The following GRK3 variants were observed in gnomAD, a reference collection of about 807,000 sequenced individuals.
GRK3 encodes adrenergic, beta, receptor kinase 2.
In GRK3, 54 loss-of-function variants were observed where a neutral mutation model predicts 95.7. The ratio of observed to expected loss-of-function variants is 0.56; its 90% CI spans 0.45 to 0.71. The LOEUF (loss-of-function observed/expected upper bound fraction) is 0.71. Among genes scored for constraint, GRK3 ranks in the 30% least tolerant of loss-of-function variants. The pLI, the probability that GRK3 is intolerant of heterozygous loss-of-function variation, is 0.00. For missense variants in GRK3, 649 were observed against 851.2 expected (o/e 0.76, Z 2.96); for synonymous variants, 281 against 290.8 (o/e 0.97, Z 0.34).
chr22:25,706,032 A>T (rs1601540758), intron 15 of GRK3, among the ~76,000 whole-genome samples: 1 of 152,086 alleles, frequency 6.6e-6, no homozygotes, highest in East Asian at 1.9e-4. Flanking sequence ...TCTGTTTCTC[A>T]TAGAACTCTT....
chr22:25,638,892 G>A (rs115281056), intron 2 of GRK3, among the ~76,000 whole-genome samples: 2,655 of 152,294 alleles, frequency 0.017, 79 homozygotes, highest in African/African-American at 0.061. Context: ...TAGTAGTTGA[G>A]AAGGGATATC....
chr22:25,581,119 A>G (rs1245730716), intron 1 of GRK3: 1 of 152,264 alleles, frequency 6.6e-6, no homozygotes, highest in Non-Finnish European at 1.5e-5. Flanking sequence ...TGTCTCAAAA[A>G]AAGAGAAAAG....
At chr22:25,648,374 T>C in intron 3 of GRK3, 1 of 1,315,074 alleles carries the variant, frequency 7.6e-7, no homozygotes, top group East Asian at 2.3e-5. Flanking sequence ...TGTGTCCAAC[T>C]GTGAAACCTC....
In GRK3 at chr22:25,685,218, A is replaced by G. The variant is rs555094004; in HGVS notation, c.796A>G (p.Lys266Glu). Reference sequence around the variant, plus strand: ...GACCTATGCCTTCCATACCCCAGATAAACTCTGCTTCATCCTGGATCTGAT... The same window carrying G: ...GACCTATGCCTTCCATACCCCAGATGAACTCTGCTTCATCCTGGATCTGAT... The part of the protein sequence containing the change: ...CMTYAFHTPD[K>E]LCFILDLMNG... Residue 266 changes from lysine to glutamate, a missense_variant, in exon 10 of 21, where the codon AAA becomes GAA. This residue lies in a region of GRK3 where 61 missense variants were observed against 126.0 expected (regional missense o/e 0.48). Transcript: ENST00000324198. The G allele has an allele frequency of 6.8e-6, 11 of 1,613,582 alleles. No homozygotes were observed. In the South Asian group the frequency reaches 1.1e-4, roughly 16 times the overall value.
intron 11 of GRK3, among the ~76,000 whole-genome samples, chr22:25,688,741 C>T (rs1158665762): frequency 1.3e-5 from 2 of 152,234 alleles, no homozygotes; most frequent in African/African-American, 4.8e-5. Flanking sequence ...TAGAAGCTGG[C>T]TCAGGGTGTC....
intron 11 of GRK3, among the ~76,000 whole-genome samples, 168 bp from the exon 12 acceptor site, chr22:25,690,021 T>C (rs1399133193): frequency 6.6e-6 from 1 of 152,194 alleles, no homozygotes; most frequent in African/African-American, 2.4e-5. Flanking sequence ...TGAAAGATAT[T>C]ATTCTCAGTA....
chr22:25,713,625 T>G (rs1164457299), intron 17 of GRK3, among the ~76,000 whole-genome samples: 1 of 152,226 alleles, frequency 6.6e-6, no homozygotes, highest in Non-Finnish European at 1.5e-5. Context: ...AAGACAAGCA[T>G]GTATTTACCA....
At chr22:25,571,736 A>G (rs1350271849) in intron 1 of GRK3, among the ~76,000 whole-genome samples, 1 of 152,124 alleles carries the variant, frequency 6.6e-6, no homozygotes, top group African/African-American at 2.4e-5. Context: ...GAGAAGAGCA[A>G]TTGTTGAGCC....
chr22:25,616,479 G>A (rs566496255), intron 2 of GRK3, among the ~76,000 whole-genome samples: 3 of 152,224 alleles, frequency 2.0e-5, no homozygotes, highest in African/African-American at 4.8e-5. Context: ...CATGAGAACA[G>A]CAAGGAGGAA....
Position 25,690,042 on chromosome 22 carries a change from CT to C in GRK3, c.958-144del, listed in dbSNP as rs1033276419. 2.1e-5 allele frequency: 13 copies of C among 609,838 alleles called. No individual in the cohort carries two copies. In the African/African-American group the frequency reaches 2.4e-4, roughly 11 times the overall value. The allele number at this position is 609,838 out of a possible 1,614,324, so 37.8% of individuals were successfully genotyped here. A position where few individuals can be genotyped will look rare whatever the true frequency, so the allele number is the denominator to read the frequency against. On this transcript the variant is annotated intron_variant, in intron 11 of 20. Transcript: ENST00000324198. Reference sequence around the variant, plus strand: ...ATATTATTCTCAGTATCATGCCCCACTTTGATGTGATGGGCTAAAGCTATAA... The same window carrying C: ...ATATTATTCTCAGTATCATGCCCCACTTGATGTGATGGGCTAAAGCTATAA...
At chr22:25,620,325 G>A (rs2084575097) in intron 2 of GRK3, among the ~76,000 whole-genome samples, 1 of 152,070 alleles carries the variant, frequency 6.6e-6, no homozygotes, top group African/African-American at 2.4e-5. Flanking sequence ...CAAATGCAGG[G>A]CACCATGATG....
chr22:25,682,456 T>G (rs1253920573), intron 9 of GRK3, among the ~76,000 whole-genome samples: 4 of 152,192 alleles, frequency 2.6e-5, no homozygotes, highest in African/African-American at 9.7e-5. Flanking sequence ...TTGATTTCTC[T>G]GAGGCAGTCA....
chr22:25,647,326 G>A, intron 3 of GRK3: 2 of 1,231,702 alleles, frequency 1.6e-6, no homozygotes, highest in Non-Finnish European at 2.4e-6. Flanking sequence ...ATACTCCAGA[G>A]CCTGTCAGTA....
At chr22:25,654,444 T>C (rs2084856068) in intron 3 of GRK3, among the ~76,000 whole-genome samples, 1 of 152,174 alleles carries the variant, frequency 6.6e-6, no homozygotes, top group Non-Finnish European at 1.5e-5. Context: ...CTTAGAAAAT[T>C]ATGTTAATGT....
At chr22:25,667,486 T>A (rs1379973072) in intron 5 of GRK3, among the ~76,000 whole-genome samples, 2 of 152,062 alleles carry the variant, frequency 1.3e-5, no homozygotes, top group Non-Finnish European at 2.9e-5. Context: ...TTGCCAGGAG[T>A]CATATTAGGT....
intron 3 of GRK3, among the ~76,000 whole-genome samples, chr22:25,655,913 T>C (rs1014959599): frequency 1.3e-5 from 2 of 152,218 alleles, no homozygotes; most frequent in Admixed American, 6.5e-5. Context: ...TTCTAAACCA[T>C]AGTGTCTATA....
chr22:25,649,615 C>G (rs1181009799), intron 3 of GRK3, among the ~76,000 whole-genome samples: 1 of 152,132 alleles, frequency 6.6e-6, no homozygotes, highest in African/African-American at 2.4e-5. Context: ...TGATAAAAAG[C>G]TATACCATAA....
At chr22:25,615,302 A>T (rs1309525994) in intron 2 of GRK3, among the ~76,000 whole-genome samples, 1 of 151,924 alleles carries the variant, frequency 6.6e-6, no homozygotes, top group Non-Finnish European at 1.5e-5. Context: ...ATGAAACAGC[A>T]CCTCTGCTGG....
At chr22:25,699,497 T>C (rs1218004189) in intron 13 of GRK3, among the ~76,000 whole-genome samples, 2 of 152,066 alleles carry the variant, frequency 1.3e-5, no homozygotes, top group Non-Finnish European at 2.9e-5. Context: ...CCAAGGATGC[T>C]GCTCAACATC....
Sources: allele counts gnomAD v4.1 joint callset (sites outside exome capture counted in the v4.1 genomes callset), GRCh38; gene constraint gnomAD v4.1.1; regional missense constraint gnomAD v4.1.1; transcripts MANE v1.5; gene names NCBI Gene and HGNC (gene_info 2026-07-23, HGNC 2026-07-21).